The following STOX2 variants were observed in gnomAD, a reference collection of about 807,000 sequenced individuals.
STOX2 encodes storkhead-box protein 2.
A neutral mutation model predicts 60.9 loss-of-function variants in STOX2; 28 were observed. That is an observed-to-expected ratio of 0.46 (90% confidence interval 0.34 to 0.63). The LOEUF (loss-of-function observed/expected upper bound fraction) is 0.63, where lower values mean the gene tolerates loss of function less well. Ranked by LOEUF, STOX2 falls within the 30% of genes least tolerant of loss-of-function variation. STOX2 has a pLI of 0.01. For synonymous variants in STOX2, 472 were observed against 463.9 expected, an observed-to-expected ratio of 1.02 and a Z score of -0.22; for missense variants, 1,024 against 1,187.7, an observed-to-expected ratio of 0.86 and a Z score of 2.03.
intron 1 of STOX2, among the ~76,000 whole-genome samples, chr4:183,891,819 G>T (rs1416599829): frequency 2.0e-5 from 3 of 151,980 alleles, no homozygotes; most frequent in Non-Finnish European, 4.4e-5. Context: ...TAAAAAAAAG[G>T]AATTTGTCTG....
In STOX2 at chr4:183,962,228, G is replaced by A. The variant is rs182924912; in HGVS notation, c.167-39097G>A. Among the ~76,000 whole-genome samples the A allele has an allele frequency of 1.2e-3, 185 of 152,234 alleles. 2 individuals carry two copies. The highest frequency in any genetic ancestry group is 4.3e-3 in the African/African-American group (178 of 41,532). ...CAGGATTTGTTATCTTTGTTGACTC[G>A]CAGGCTGTAAAGATTCCCTTACTTT... is the stretch of plus-strand genomic sequence containing the variant. On this transcript the variant is annotated intron_variant, in intron 1 of 3. Transcript: ENST00000308497.
Position 183,841,381 on chromosome 4 carries a change from A to G in STOX2, c.364+43326A>G, listed in dbSNP as rs1487313712. ...CCATACCAGGCTAATTATTATTACT[A>G]TTTTTTATTTTTAGAGAGACAGGAA... On this transcript the variant is annotated intron_variant, in intron 1 of 2. Transcript: ENST00000513034. Among the ~76,000 whole-genome samples, 5 of 149,420 alleles carry G rather than the reference A, an allele frequency of 3.3e-5. No individual in the cohort carries two copies. The East Asian group carries it at 7.9e-4, about 24-fold the overall frequency.
chr4:183,990,386 A>G (rs1733050769), intron 1 of STOX2, among the ~76,000 whole-genome samples: 2 of 152,122 alleles, frequency 1.3e-5, no homozygotes, highest in Non-Finnish European at 2.9e-5. Flanking sequence ...TTGAACAGCA[A>G]TGTGTATATT....
chr4:183,869,922 A>G (rs958707871), intron 1 of STOX2, among the ~76,000 whole-genome samples: 1 of 152,164 alleles, frequency 6.6e-6, no homozygotes, highest in African/African-American at 2.4e-5. Context: ...GGTGGGACCA[A>G]GGAATGGGCG....
chr4:183,846,720 T>G (rs1739998683), intron 1 of STOX2, among the ~76,000 whole-genome samples: 1 of 152,198 alleles, frequency 6.6e-6, no homozygotes, highest in Non-Finnish European at 1.5e-5. Context: ...TTTAAAATAG[T>G]CAATTTAAAA....
chr4:183,874,494 C>A (rs1263866627), intron 1 of STOX2, among the ~76,000 whole-genome samples: 23 of 152,268 alleles, frequency 1.5e-4, no homozygotes, highest in African/African-American at 5.3e-4. Context: ...CTCAGGAGGA[C>A]TGAAGATTAT....
intron 1 of STOX2, among the ~76,000 whole-genome samples, chr4:183,949,508 G>A (rs1459016998): frequency 5.3e-5 from 8 of 151,974 alleles, no homozygotes; most frequent in Non-Finnish European, 1.2e-4. Context: ...GACCAGCCTG[G>A]CCAACATGAT....
intron 1 of STOX2, among the ~76,000 whole-genome samples, chr4:183,833,752 G>A (rs1233486877): frequency 6.7e-6 from 1 of 148,172 alleles, no homozygotes; most frequent in Non-Finnish European, 1.5e-5. Flanking sequence ...GGAGGCCGAG[G>A]CGGGCGGATC....
At chr4:183,934,160 G>A (rs940845494) in intron 1 of STOX2, among the ~76,000 whole-genome samples, 3 of 147,624 alleles carry the variant, frequency 2.0e-5, no homozygotes, top group Non-Finnish European at 4.5e-5. Flanking sequence ...AAAATTAGCC[G>A]GGCATGGTGG....
Position 183,991,488 on chromosome 4 carries a change from C to G in STOX2, c.167-9837C>G, listed in dbSNP as rs549061488. Among the ~76,000 whole-genome samples the G allele has an allele frequency of 2.1e-4, 31 of 150,984 alleles. No individual in the cohort carries two copies. In the South Asian group the frequency reaches 6.5e-3, roughly 32 times the overall value. On this transcript the variant is annotated intron_variant, in intron 1 of 3. Coordinates refer to ENST00000308497, the MANE Select transcript of STOX2 (RefSeq NM_020225.3). ...TGTTTCCCAGGCTGGAGTGCAATGG[C>G]ACGGTCTTGGCTCACTGCAACCTCC... is the stretch of plus-strand genomic sequence containing the variant.
At chr4:183,944,590 T>C (rs1247737848) in intron 1 of STOX2, among the ~76,000 whole-genome samples, 1 of 152,170 alleles carries the variant, frequency 6.6e-6, no homozygotes, top group Non-Finnish European at 1.5e-5. Context: ...GGCGCATGCC[T>C]GTAATCCCAG....
intron 1 of STOX2, among the ~76,000 whole-genome samples, chr4:183,851,098 CGATGAGGGAAACGATGAGGGAAAG>C (rs1740117412): frequency 1.7e-4 from 2 of 12,098 alleles, no homozygotes; most frequent in African/African-American, 6.1e-4. Flanking sequence ...ATGAGGGAAA[CGATGAGGGAAACGATGAGGGAAAG>C]GATGAGGGAA....
At chr4:184,006,839 A>G (rs1733862837) in intron 2 of STOX2, among the ~76,000 whole-genome samples, 1 of 151,146 alleles carries the variant, frequency 6.6e-6, no homozygotes, top group African/African-American at 2.4e-5. Context: ...AAACGGTGAA[A>G]CCCCGTCTCT....
chr4:184,010,338 T>C lies in STOX2; in HGVS notation c.1500T>C (p.Pro500=). ...GGTCGATGGATAACTCCAAAGGCCC[T>C]CTGGGTGCTTCTTCTCTAGGGACGC... ...RSRSMDNSKG[P]LGASSLGTPE... Residue 500 remains proline, a synonymous_variant, in exon 3 of 4, where the codon CCT becomes CCC. Coordinates refer to ENST00000308497, the MANE Select transcript of STOX2 (RefSeq NM_020225.3). The surrounding 1 kb of genome is among the most constrained non-coding windows in gnomAD (Gnocchi z 4.5). The C allele has an allele frequency of 6.2e-7, 1 of 1,609,434 alleles. No individual in the cohort carries two copies. Among genetic ancestry groups the C allele is most frequent in the Admixed American group, 1.7e-5 (1 of 59,352 alleles).
At chr4:183,960,314 A>T (rs1743375486) in intron 1 of STOX2, 1 of 152,126 alleles carries the variant, frequency 6.6e-6, no homozygotes. Flanking sequence ...ATCTTTGGGG[A>T]TCATGAGCTC....
intron 1 of STOX2, among the ~76,000 whole-genome samples, chr4:183,799,267 C>G (rs560861833): frequency 2.0e-4 from 31 of 152,316 alleles, no homozygotes; most frequent in African/African-American, 7.5e-4. Context: ...GTAACCTGCG[C>G]TGAATTTCAA....
At chr4:183,984,680 C>T (rs1400755522) in intron 1 of STOX2, among the ~76,000 whole-genome samples, 1 of 152,206 alleles carries the variant, frequency 6.6e-6, no homozygotes, top group Non-Finnish European at 1.5e-5. Flanking sequence ...AGATCCTCCC[C>T]GTGTCCCTAT....
At chr4:183,814,488 T>G (rs1739105849) in intron 1 of STOX2, among the ~76,000 whole-genome samples, 1 of 152,230 alleles carries the variant, frequency 6.6e-6, no homozygotes, top group South Asian at 2.1e-4. Context: ...GTAATCTTGC[T>G]CAGCCATGTT....
At chr4:183,994,831 A>G (rs2111212265) in intron 1 of STOX2, among the ~76,000 whole-genome samples, 1 of 152,326 alleles carries the variant, frequency 6.6e-6, no homozygotes, top group Middle Eastern at 3.4e-3. Context: ...ATTAATGTCA[A>G]AGATAACTCT....
Sources: allele counts gnomAD v4.1 joint callset (sites outside exome capture counted in the v4.1 genomes callset), GRCh38; gene constraint gnomAD v4.1.1; non-coding constraint Gnocchi (gnomAD v3.1); transcripts MANE v1.5; gene names NCBI Gene and HGNC (gene_info 2026-07-23, HGNC 2026-07-21).